ZFHX3: variants seen among roughly 807,000 people sequenced by gnomAD.
The protein encoded by ZFHX3 is zinc finger homeobox 3.
Under a neutral mutation model 279.1 loss-of-function variants are expected in ZFHX3, and 42 were observed. The ratio of observed to expected loss-of-function variants is 0.15; its 90% CI spans 0.12 to 0.19. ZFHX3 has a LOEUF of 0.19. ZFHX3 is among the 10% of genes least tolerant of loss of function. The pLI, the probability that ZFHX3 is intolerant of heterozygous loss-of-function variation, is 1.00. For synonymous variants in ZFHX3, 2,293 were observed against 1,957.8 expected, an observed-to-expected ratio of 1.17 and a Z score of -4.52; for missense variants, 4,981 against 4,754.0, an observed-to-expected ratio of 1.05 and a Z score of -1.40.
chr16:73,574,668 G>A (rs2051781391), intron 2 of ZFHX3, among the ~76,000 whole-genome samples: 1 of 152,114 alleles, frequency 6.6e-6, no homozygotes, highest in Non-Finnish European at 1.5e-5. Flanking sequence ...CCCTCTGCAT[G>A]GATTTCTACG....
At chr16:73,194,721 C>A (rs917761488) in intron 5 of ZFHX3, among the ~76,000 whole-genome samples, 1 of 152,176 alleles carries the variant, frequency 6.6e-6, no homozygotes, top group Non-Finnish European at 1.5e-5. Flanking sequence ...TTTGTCCACA[C>A]CCAATTCACA....
chr16:73,660,104 C>G (rs929471395), intron 2 of ZFHX3, among the ~76,000 whole-genome samples: 1 of 152,166 alleles, frequency 6.6e-6, no homozygotes, highest in African/African-American at 2.4e-5. Context: ...AAATTGAACA[C>G]TGTTGCTGTT....
intron 5 of ZFHX3, among the ~76,000 whole-genome samples, chr16:72,822,465 T>C (rs886476248): frequency 1.3e-4 from 20 of 152,140 alleles, no homozygotes; most frequent in Admixed American, 8.5e-4. Context: ...GAAGGTAGCA[T>C]TGGACCCAAG....
chr16:73,722,223 T>G (rs1360489172), intron 1 of ZFHX3, among the ~76,000 whole-genome samples: 1 of 152,186 alleles, frequency 6.6e-6, no homozygotes, highest in South Asian at 2.1e-4. Flanking sequence ...GGACAATAAG[T>G]AGGCACTTCT....
chr16:73,100,962 C>T (rs1485563916), intron 7 of ZFHX3, among the ~76,000 whole-genome samples: 5 of 152,180 alleles, frequency 3.3e-5, no homozygotes, highest in Non-Finnish European at 7.4e-5. Context: ...ACCCCCAGCA[C>T]CTGACTGCTG....
intron 4 of ZFHX3, among the ~76,000 whole-genome samples, chr16:73,294,867 G>A (rs1202976594): frequency 6.6e-6 from 1 of 150,818 alleles, no homozygotes; most frequent in African/African-American, 2.4e-5. Context: ...CATGGAAGAG[G>A]CAGAAATGTG....
intron 7 of ZFHX3, among the ~76,000 whole-genome samples, chr16:73,102,325 T>C (rs537144615): frequency 9.2e-5 from 14 of 152,310 alleles, no homozygotes; most frequent in African/African-American, 2.6e-4. Flanking sequence ...AGGGTACACA[T>C]TGCCCCTCTT....
intron 1 of ZFHX3, among the ~76,000 whole-genome samples, chr16:73,752,685 A>G (rs2053771995): frequency 6.6e-6 from 1 of 152,124 alleles, no homozygotes; most frequent in South Asian, 2.1e-4. Context: ...AAGCTGGGGG[A>G]AGAATCAGCC....
At chr16:73,662,488 A>AC (rs889323240) in intron 2 of ZFHX3, among the ~76,000 whole-genome samples, 7 of 90,204 alleles carry the variant, frequency 7.8e-5, no homozygotes, top group Admixed American at 7.2e-4. Flanking sequence ...TTTCTTCCAT[A>AC]CCCCCCTAGG....
At position 73,300,181 on chromosome 16, in the gene ZFHX3, T is replaced by A. The variant is rs117726558; in HGVS notation, c.-1194+18059A>T. ...AGACTGAGGCTTGAGCCCAGATGGC[T>A]TGAGCCCAGGAGTTTAAGGCTGTGG... On this transcript the variant is annotated intron_variant, in intron 4 of 17. Coordinates refer to the ZFHX3 transcript ENST00000641206. Among the ~76,000 whole-genome samples the A allele has an allele frequency of 5.8e-3, 877 of 151,078 alleles. 5 individuals carry two copies. Among genetic ancestry groups the A allele is most frequent in the Middle Eastern group, 0.041 (12 of 292 alleles).
intron 7 of ZFHX3, among the ~76,000 whole-genome samples, chr16:73,104,702 A>G (rs976493455): frequency 6.6e-6 from 1 of 152,170 alleles, no homozygotes; most frequent in Non-Finnish European, 1.5e-5. Flanking sequence ...AGAACCTCTC[A>G]GGGCCTCGGT....
intron 2 of ZFHX3, among the ~76,000 whole-genome samples, chr16:73,465,082 C>G (rs938774948): frequency 5.9e-5 from 9 of 152,200 alleles, no homozygotes; most frequent in Admixed American, 1.3e-4. Context: ...TCTTGCTCAT[C>G]TGTGTCTCCT....
chr16:73,429,914 G>A (rs2143512288), intron 3 of ZFHX3, among the ~76,000 whole-genome samples: 1 of 152,196 alleles, frequency 6.6e-6, no homozygotes, highest in Non-Finnish European at 1.5e-5. Context: ...TCGAGACAGG[G>A]CCTTGCTCTG....
At chr16:72,922,463 G>C (rs1393708833) in intron 3 of ZFHX3, among the ~76,000 whole-genome samples, 2 of 152,160 alleles carry the variant, frequency 1.3e-5, no homozygotes, top group Non-Finnish European at 2.9e-5. Context: ...AGGGAGGTGT[G>C]GCAATGAAGA....
chr16:73,552,788 A>T (rs959660790), intron 2 of ZFHX3, among the ~76,000 whole-genome samples: 1 of 152,172 alleles, frequency 6.6e-6, no homozygotes, highest in Non-Finnish European at 1.5e-5. Context: ...TTTATGTATT[A>T]AAAAAACCTT....
chr16:73,468,460 G>T (rs934168556), intron 2 of ZFHX3, among the ~76,000 whole-genome samples: 5 of 152,168 alleles, frequency 3.3e-5, no homozygotes, highest in Admixed American at 6.5e-5. Flanking sequence ...AATTAGCTAG[G>T]CGTGGTGGCT....
chr16:73,637,583 T>C (rs2052538842), intron 2 of ZFHX3, among the ~76,000 whole-genome samples: 1 of 152,154 alleles, frequency 6.6e-6, no homozygotes, highest in African/African-American at 2.4e-5. Context: ...TATGTGTTTA[T>C]TAAATGTTAT....
intron 2 of ZFHX3, among the ~76,000 whole-genome samples, chr16:73,671,271 T>A (rs1361904615): frequency 6.6e-6 from 1 of 152,196 alleles, no homozygotes; most frequent in Non-Finnish European, 1.5e-5. Flanking sequence ...ATTTGCATCC[T>A]TGGATGGGTG....
intron 2 of ZFHX3, among the ~76,000 whole-genome samples, chr16:73,523,195 T>A (rs560972167): frequency 1.3e-5 from 2 of 152,244 alleles, no homozygotes; most frequent in Non-Finnish European, 2.9e-5. Context: ...GGATTTATTA[T>A]AATTTGGCAA....
Sources: allele counts gnomAD v4.1 joint callset (sites outside exome capture counted in the v4.1 genomes callset), GRCh38; gene constraint gnomAD v4.1.1; transcripts MANE v1.5; gene names NCBI Gene and HGNC (gene_info 2026-07-23, HGNC 2026-07-21).